Variants in MYO5B observed in about 807,000 individuals in gnomAD.
The protein encoded by MYO5B is unconventional myosin-Vb.
In MYO5B, 143 loss-of-function variants were observed where a neutral mutation model predicts 229.3. That is an observed-to-expected ratio of 0.62 (90% CI 0.54 to 0.72). The LOEUF is 0.72. Among genes scored for constraint, MYO5B ranks in the 30% least tolerant of loss-of-function variants. MYO5B has a pLI of 0.00. For missense variants in MYO5B, 2,321 were observed against 2,331.0 expected (o/e 1.00, Z 0.09); for synonymous variants, 918 against 885.2 (o/e 1.04, Z -0.66).
intron 17 of MYO5B, among the ~76,000 whole-genome samples, chr18:49,914,392 G>A (rs993684644): frequency 5.3e-5 from 8 of 152,170 alleles, no homozygotes; most frequent in African/African-American, 1.7e-4. Flanking sequence ...CACTCATTTC[G>A]AGATATTAAA....
chr18:49,921,371 C>T (rs1451395502), intron 17 of MYO5B, among the ~76,000 whole-genome samples: 1 of 151,156 alleles, frequency 6.6e-6, no homozygotes, highest in Non-Finnish European at 1.5e-5. Flanking sequence ...CACAAAGCTG[C>T]TGACTCTCTG....
chr18:50,158,733 G>C, intron 1 of MYO5B, among the ~76,000 whole-genome samples: 1 of 152,190 alleles, frequency 6.6e-6, no homozygotes, highest in East Asian at 1.9e-4. Context: ...GAGAATGCCA[G>C]TTCCCTGGCT....
chr18:50,062,217 A>G (rs1361325411), intron 1 of MYO5B, among the ~76,000 whole-genome samples: 2 of 152,184 alleles, frequency 1.3e-5, no homozygotes, highest in Non-Finnish European at 2.9e-5. Flanking sequence ...AAGTTAAGCC[A>G]CAGGTAGTTT....
intron 1 of MYO5B, among the ~76,000 whole-genome samples, chr18:50,173,425 A>T (rs1300089344): frequency 6.6e-6 from 1 of 152,190 alleles, no homozygotes; most frequent in African/African-American, 2.4e-5. Flanking sequence ...AAGCCAAGGG[A>T]AGCATCTACG....
chr18:49,839,733 A>C, intron 35 of MYO5B: 1 of 243,168 alleles, frequency 4.1e-6, no homozygotes, highest in Non-Finnish European at 8.2e-6. Flanking sequence ...GAAATTTTAT[A>C]CAGATTCTAT....
At chr18:49,918,395 T>G (rs1275273392) in intron 17 of MYO5B, among the ~76,000 whole-genome samples, 4 of 152,174 alleles carry the variant, frequency 2.6e-5, no homozygotes, top group Admixed American at 1.3e-4. Flanking sequence ...ATGACATCAG[T>G]CCACAAAAAG....
In MYO5B at chr18:49,912,004, C is replaced by T. The variant is rs928219136; in HGVS notation, c.2202+58G>A. On this transcript the variant is annotated intron_variant, in intron 18 of 39. Coordinates refer to ENST00000285039, the MANE Select transcript of MYO5B (RefSeq NM_001080467.3). Reference sequence around the variant, plus strand: ...AAAAAATGTAGATAACGACGCCACCCCCTCAATCTTTAGGGGACCTGGTCA... The same window carrying T: ...AAAAAATGTAGATAACGACGCCACCTCCTCAATCTTTAGGGGACCTGGTCA... 5.4e-6 allele frequency: 7 copies of T among 1,296,974 alleles called. No individual in the cohort carries two copies. The African/African-American group carries it at 8.8e-5, about 16-fold the overall frequency. The allele number at this position is 1,296,974 out of a possible 1,614,324, so 80.3% of individuals were successfully genotyped here. A position where few individuals can be genotyped will look rare whatever the true frequency, so the allele number is the denominator to read the frequency against.
At chr18:50,121,006 T>C (rs1400303908) in intron 1 of MYO5B, among the ~76,000 whole-genome samples, 3 of 152,144 alleles carry the variant, frequency 2.0e-5, no homozygotes, top group South Asian at 2.1e-4. Flanking sequence ...ACCAGCAACT[T>C]ACGGCCAGTG....
intron 1 of MYO5B, among the ~76,000 whole-genome samples, chr18:50,175,918 G>A (rs1348981374): frequency 2.0e-5 from 3 of 152,216 alleles, no homozygotes; most frequent in Non-Finnish European, 4.4e-5. Flanking sequence ...ACCCATTGCT[G>A]GTCATACTGC....
chr18:49,833,011 A>T (rs889622356), intron 39 of MYO5B, among the ~76,000 whole-genome samples: 1 of 152,176 alleles, frequency 6.6e-6, no homozygotes, highest in African/African-American at 2.4e-5. Flanking sequence ...CTGGGAAAAA[A>T]AGTCATCTTT....
At position 50,195,032 on chromosome 18, in the gene MYO5B, G is replaced by C. The variant is rs922988104; in HGVS notation, c.-239C>G. 2.5e-6 allele frequency: 1 copy of C among 407,550 alleles called. No homozygotes were observed. The highest frequency in any genetic ancestry group is 4.0e-6 in the Non-Finnish European group (1 of 248,884). The allele number at this position is 407,550 out of a possible 1,614,324, so 25.2% of individuals were successfully genotyped here. On this transcript the variant is annotated 5_prime_UTR_variant, in exon 1 of 40. Coordinates refer to ENST00000285039, the MANE Select transcript of MYO5B (RefSeq NM_001080467.3). ...GGCCGGACAGGAGTTGCGAGCGCCGGGGGAGGAGGCCGCGCCGCACCACTC... is the reference window on the plus strand; with the variant it reads ...GGCCGGACAGGAGTTGCGAGCGCCGCGGGAGGAGGCCGCGCCGCACCACTC...
chr18:50,075,132 A>T (rs2031049438), intron 1 of MYO5B, among the ~76,000 whole-genome samples: 1 of 152,126 alleles, frequency 6.6e-6, no homozygotes, highest in Admixed American at 6.5e-5. Context: ...CTCTAGTGCC[A>T]AGTGTACTCA....
At chr18:50,080,296 T>A (rs1266529326) in intron 1 of MYO5B, among the ~76,000 whole-genome samples, 1 of 152,124 alleles carries the variant, frequency 6.6e-6, no homozygotes, top group East Asian at 1.9e-4. Context: ...AGGATCTGCA[T>A]CTAGGCTCAA....
At chr18:50,019,539 A>T (rs150736015) in intron 4 of MYO5B, among the ~76,000 whole-genome samples, 5 of 152,338 alleles carry the variant, frequency 3.3e-5, no homozygotes, top group Admixed American at 6.5e-5. Flanking sequence ...ACAGTCACTC[A>T]CACAAAACTA....
At chr18:49,992,151 A>T in intron 6 of MYO5B, 137 bp downstream of exon 6, 1 of 1,240,154 alleles carries the variant, frequency 8.1e-7, no homozygotes, top group African/African-American at 1.5e-5. Flanking sequence ...ATAAAAGATA[A>T]GAACCAAAAG....
intron 1 of MYO5B, among the ~76,000 whole-genome samples, chr18:50,147,486 G>A (rs549324147): frequency 2.0e-5 from 3 of 152,316 alleles, no homozygotes; most frequent in African/African-American, 7.2e-5. Flanking sequence ...ACATGAAGCT[G>A]AAGAAATTCA....
chr18:49,942,391 A>AC (rs201613117), intron 14 of MYO5B, among the ~76,000 whole-genome samples: 2,147 of 111,806 alleles, frequency 0.019, 81 homozygotes, highest in South Asian at 0.13. Context: ...AAAAAAAAAA[A>AC]AAAAAAAAAA....
intron 10 of MYO5B, among the ~76,000 whole-genome samples, chr18:49,968,071 A>G (rs1435519791): frequency 6.6e-6 from 1 of 152,158 alleles, no homozygotes; most frequent in Non-Finnish European, 1.5e-5. Flanking sequence ...CAAACTATGA[A>G]GGCTGTAAAG....
In MYO5B at chr18:49,877,820, G is replaced by C. The variant is rs776173316; in HGVS notation, c.3339C>G (p.Tyr1113Ter). 1 of 1,614,158 alleles carries C rather than the reference G, an allele frequency of 6.2e-7. No individual in the cohort carries two copies. Residue 1113 changes from tyrosine to a stop codon, truncating the protein, a stop_gained, in exon 25 of 40, where the codon TAC (tyrosine) becomes TAG (stop). Transcript: ENST00000285039. LOFTEE classifies it high-confidence loss of function. ...NQSSLESDSNYPSISTSEIGD... is the reference protein window; with the variant it reads ...NQSSLESDSN ...CGATCTCAGATGTGGAGATGGAGGGGTAATTGGAGTCAGATTCTAAGCTAC... is the reference window on the plus strand; with the variant it reads ...CGATCTCAGATGTGGAGATGGAGGGCTAATTGGAGTCAGATTCTAAGCTAC...
Sources: gnomAD v4.1 joint callset for allele counts (sites outside exome capture counted in the v4.1 genomes callset) on GRCh38, gnomAD v4.1.1 for gene constraint, MANE v1.5 for transcripts, NCBI Gene and HGNC (gene_info 2026-07-23, HGNC 2026-07-21) for gene names.